ATP10A: variants seen among roughly 807,000 people sequenced by gnomAD.
ATP10A encodes phospholipid-transporting ATPase VA.
ATP10A carries 111 observed loss-of-function variants against 147.8 expected under a neutral mutation model. The observed-to-expected ratio is 0.75, with a 90% CI of 0.64 to 0.88. ATP10A has a LOEUF of 0.88. ATP10A is among the 40% of genes least tolerant of loss of function. The pLI is 0.00. For synonymous variants in ATP10A, 875 were observed against 841.6 expected (o/e 1.04, Z -0.69); for missense variants, 1,927 against 1,959.0 (o/e 0.98, Z 0.31).
At chr15:25,819,677 A>C (rs528525676) in intron 1 of ATP10A, among the ~76,000 whole-genome samples, 1 of 152,334 alleles carries the variant, frequency 6.6e-6, no homozygotes, top group South Asian at 2.1e-4. Context: ...GAATCAACCT[A>C]AGTGTCCATC....
At chr15:25,828,278 T>C (rs183770629) in intron 1 of ATP10A, among the ~76,000 whole-genome samples, 293 of 152,218 alleles carry the variant, frequency 1.9e-3, no homozygotes, top group Admixed American at 9.1e-3. Context: ...ACTTGAAAAA[T>C]ATTATAAATG....
chr15:25,727,338 G>T, intron 3 of ATP10A, 72 bp from the exon 4 acceptor site: 2 of 1,267,470 alleles, frequency 1.6e-6, no homozygotes, highest in East Asian at 2.3e-5. Context: ...GCAATGCCTT[G>T]AGGAAGGAAG....
At position 25,862,644 on chromosome 15, in the gene ATP10A, T is replaced by G; in HGVS notation, c.449+4A>C. 6.4e-7 allele frequency: 1 copy of G among 1,563,084 alleles called. No individual in the cohort carries two copies. The highest frequency in any genetic ancestry group is 1.2e-5 in the South Asian group (1 of 84,262). On this transcript the variant is annotated splice_donor_region_variant and intron_variant, in intron 1 of 20. Transcript: ENST00000555815. ...GCGCTCGCTCGCCCGCCCGCCCAAC[T>G]CACCTGCTGAAGACCAGGCAGCCCA...
chr15:25,714,363 G>A, intron 9 of ATP10A, 122 bp from the exon 10 acceptor site: 1 of 831,490 alleles, frequency 1.2e-6, no homozygotes, highest in Non-Finnish European at 1.9e-6. Flanking sequence ...CCCCACTGGG[G>A]TCTCAGAGCA....
At chr15:25,684,203 A>AC (rs1374678738) in intron 16 of ATP10A, among the ~76,000 whole-genome samples, 1 of 152,190 alleles carries the variant, frequency 6.6e-6, no homozygotes, top group African/African-American at 2.4e-5. Flanking sequence ...GCCCCTGCTC[A>AC]CTGGGGTGGG....
chr15:25,715,473 A>G (rs543285787), intron 9 of ATP10A, among the ~76,000 whole-genome samples: 79 of 152,368 alleles, frequency 5.2e-4, no homozygotes, highest in African/African-American at 1.6e-3. Context: ...TGACGCTGCC[A>G]TCTCTCACCC....
At chr15:25,834,642 C>T (rs1221293048) in intron 1 of ATP10A, among the ~76,000 whole-genome samples, 1 of 152,180 alleles carries the variant, frequency 6.6e-6, no homozygotes, top group Non-Finnish European at 1.5e-5. Flanking sequence ...TGAAAACACA[C>T]GTCTATACAC....
intron 3 of ATP10A, among the ~76,000 whole-genome samples, chr15:25,730,151 A>AAT (rs1413362175): frequency 2.6e-5 from 4 of 151,568 alleles, no homozygotes; most frequent in African/African-American, 9.7e-5. Context: ...AAAAAAAAAA[A>AAT]ATAGCCAGGC....
intron 15 of ATP10A, among the ~76,000 whole-genome samples, chr15:25,689,809 C>G (rs1046807459): frequency 6.6e-6 from 1 of 152,240 alleles, no homozygotes; most frequent in African/African-American, 2.4e-5. Flanking sequence ...AGGGCTTGGG[C>G]TGGTGCTCCC....
chr15:25,723,346 A>G (rs1221907048), intron 6 of ATP10A, among the ~76,000 whole-genome samples: 2 of 104,612 alleles, frequency 1.9e-5, no homozygotes, highest in South Asian at 4.5e-4. Context: ...GACTCTGTCT[A>G]AAAAAAAAAA....
At chr15:25,689,691 A>T (rs1899909346) in intron 15 of ATP10A, among the ~76,000 whole-genome samples, 1 of 152,222 alleles carries the variant, frequency 6.6e-6, no homozygotes, top group Non-Finnish European at 1.5e-5. Flanking sequence ...ACATATGTGC[A>T]GAAGTGCCCA....
chr15:25,691,613 G>T (rs577407340), intron 15 of ATP10A, 102 bp downstream of exon 15: 1 of 1,198,654 alleles, frequency 8.3e-7, no homozygotes, highest in Non-Finnish European at 1.2e-6. Context: ...CTTTAGCCTC[G>T]TTCAGTAGAG....
At chr15:25,828,323 C>T (rs1217304343) in intron 1 of ATP10A, among the ~76,000 whole-genome samples, 1 of 152,162 alleles carries the variant, frequency 6.6e-6, no homozygotes, top group Admixed American at 6.5e-5. Context: ...GAATACTCTG[C>T]CCAGCAACAG....
At chr15:25,691,495 A>C (rs1900032395) in intron 15 of ATP10A, among the ~76,000 whole-genome samples, 1 of 152,232 alleles carries the variant, frequency 6.6e-6, no homozygotes, top group Non-Finnish European at 1.5e-5. Flanking sequence ...ACATGGGAAG[A>C]CATGCTTATT....
At chr15:25,786,694 C>T (rs543563556) in intron 1 of ATP10A, among the ~76,000 whole-genome samples, 13 of 129,746 alleles carry the variant, frequency 1.0e-4, no homozygotes, top group East Asian at 2.3e-4. Flanking sequence ...GGCGTGATCT[C>T]GGCTCACTGC....
chr15:25,845,793 G>A (rs1028405995), intron 1 of ATP10A, among the ~76,000 whole-genome samples: 4 of 152,270 alleles, frequency 2.6e-5, no homozygotes, highest in South Asian at 2.1e-4. Flanking sequence ...AAGCCGTCCC[G>A]GAATCCATGC....
chr15:25,738,829 A>C (rs1464085498), intron 2 of ATP10A, among the ~76,000 whole-genome samples: 1 of 152,184 alleles, frequency 6.6e-6, no homozygotes, highest in Non-Finnish European at 1.5e-5. Flanking sequence ...CCCTACAATT[A>C]TCAGGCAACC....
chr15:25,674,099 G>A (rs760421711), downstream of ATP10A, among the ~76,000 whole-genome samples: 12 of 152,224 alleles, frequency 7.9e-5, no homozygotes, highest in Non-Finnish European at 1.5e-4. Flanking sequence ...CCCAGCCTGG[G>A]ACGCTCTCCA....
chr15:25,839,393 TG>T (rs2140887337), intron 1 of ATP10A, among the ~76,000 whole-genome samples: 1 of 152,248 alleles, frequency 6.6e-6, no homozygotes, highest in South Asian at 2.1e-4. Flanking sequence ...AGGCCAGGTC[TG>T]GGGGAAAAAA....
Sources: gnomAD v4.1 joint callset for allele counts (sites outside exome capture counted in the v4.1 genomes callset) on GRCh38, gnomAD v4.1.1 for gene constraint, MANE v1.5 for transcripts, NCBI Gene and HGNC (gene_info 2026-07-23, HGNC 2026-07-21) for gene names.